Variants in DOCK3 observed in about 807,000 individuals in gnomAD.
The protein encoded by DOCK3 is dedicator of cytokinesis protein 3.
DOCK3 carries 60 observed loss-of-function variants against 265.6 expected under a neutral mutation model. The ratio of observed to expected loss-of-function variants is 0.23; its 90% CI spans 0.18 to 0.28. The LOEUF is 0.28. Among genes scored for constraint, DOCK3 ranks in the 10% least tolerant of loss-of-function variants. The pLI is 1.00. For missense variants in DOCK3, 1,981 were observed against 2,594.3 expected (o/e 0.76, Z 5.14); for synonymous variants, 881 against 938.0 (o/e 0.94, Z 1.11).
intron 1 of DOCK3, among the ~76,000 whole-genome samples, chr3:50,773,206 A>T (rs548174027): frequency 6.6e-6 from 1 of 152,152 alleles, no homozygotes; most frequent in Admixed American, 6.5e-5. Context: ...TCTTCTATAA[A>T]TTATGCTGGG....
At chr3:51,074,099 ATCTT>A (rs1184411419) in intron 6 of DOCK3, among the ~76,000 whole-genome samples, 2 of 152,212 alleles carry the variant, frequency 1.3e-5, no homozygotes, top group Non-Finnish European at 1.5e-5. Context: ...AGAAAAAAGA[ATCTT>A]TCTTCTCTAT....
At position 51,375,775 on chromosome 3, in the gene DOCK3, C is replaced by G. The variant is rs1324325526; in HGVS notation, c.5440C>G (p.Gln1814Glu). ...QPPNFQRALFQQVVGACKPCS... is the reference protein window; with the variant it reads ...QPPNFQRALFEQVVGACKPCS... ...GCCGAATTTCCAGCGAGCCCTGTTC[C>G]AGCAAGTGGTCGGAGCCTGCAAACC... Residue 1814 changes from glutamine (Q) to glutamate (E), a missense_variant, in exon 51 of 53, where the codon CAG (glutamine) becomes GAG (glutamate). Around this residue, in one of 4 missense-constraint regions of DOCK3, gnomAD observed 1,357 missense variants for 1,866.8 expected, o/e 0.73. Transcript: ENST00000266037. 1 of 1,613,884 alleles carries G rather than the reference C, an allele frequency of 6.2e-7. No individual in the cohort carries two copies. Among genetic ancestry groups the G allele is most frequent in the African/African-American group, 1.3e-5 (1 of 74,896 alleles).
rs969943840 is a variant in DOCK3, at chr3:51,072,414, A to AT, written c.465-2931dup. On this transcript the variant is annotated intron_variant, in intron 6 of 52. Transcript: ENST00000266037. ...TTCTTAAACTGTTGTTTCTAATACAATTTTTTTTTTTGAGATGGGGTCTTG... is the reference window on the plus strand; with the variant it reads ...TTCTTAAACTGTTGTTTCTAATACAATTTTTTTTTTTTGAGATGGGGTCTTG... Among the ~76,000 whole-genome samples the AT allele has an allele frequency of 3.1e-3, 464 of 148,014 alleles. 8 individuals carry two copies. The highest frequency in any genetic ancestry group is 0.024 in the Admixed American group (357 of 14,884).
chr3:50,700,701 T>C (rs562977335), intron 1 of DOCK3, among the ~76,000 whole-genome samples: 18 of 152,320 alleles, frequency 1.2e-4, no homozygotes, highest in Admixed American at 1.2e-3. Flanking sequence ...CTTAGGTTGA[T>C]TCCGTATCTT....
intron 13 of DOCK3, among the ~76,000 whole-genome samples, chr3:51,210,061 T>A (rs1302423331): frequency 6.6e-6 from 1 of 152,198 alleles, no homozygotes; most frequent in Non-Finnish European, 1.5e-5. Flanking sequence ...GTCATGTTCT[T>A]TGGTTTATTT....
chr3:51,010,355 C>G (rs368161624), intron 5 of DOCK3, among the ~76,000 whole-genome samples: 13 of 152,098 alleles, frequency 8.5e-5, no homozygotes, highest in African/African-American at 3.1e-4. Flanking sequence ...GTGAATTGAT[C>G]CCTTTACCAT....
chr3:50,898,315 A>G (rs201974546), intron 4 of DOCK3, among the ~76,000 whole-genome samples: 5 of 152,166 alleles, frequency 3.3e-5, no homozygotes, highest in African/African-American at 4.8e-5. Context: ...CTGTGGGATC[A>G]GTGGGGATAT....
At chr3:50,870,411 G>T (rs958808612) in intron 3 of DOCK3, among the ~76,000 whole-genome samples, 1 of 151,918 alleles carries the variant, frequency 6.6e-6, no homozygotes, top group Non-Finnish European at 1.5e-5. Context: ...AATCTATTTT[G>T]TCTAAGTATA....
At chr3:51,275,242 C>T (rs754062738) in intron 25 of DOCK3, 36 bp downstream of exon 25, 9 of 1,611,766 alleles carry the variant, frequency 5.6e-6, no homozygotes, top group Non-Finnish European at 7.6e-6. Context: ...CTGTTCAGCT[C>T]TTCCCTAGTC....
chr3:51,011,097 C>A (rs1303049475), intron 5 of DOCK3, among the ~76,000 whole-genome samples: 1 of 152,060 alleles, frequency 6.6e-6, no homozygotes. Context: ...AATTATGTGT[C>A]TTGGAGTTGC....
chr3:50,861,133 C>G (rs1408220546), intron 3 of DOCK3, among the ~76,000 whole-genome samples: 1 of 152,132 alleles, frequency 6.6e-6, no homozygotes, highest in Non-Finnish European at 1.5e-5. Context: ...CACCACTTTG[C>G]TGGGTGGTGG....
chr3:50,907,373 T>G (rs1335671096), intron 4 of DOCK3, among the ~76,000 whole-genome samples: 3 of 152,080 alleles, frequency 2.0e-5, no homozygotes, highest in Non-Finnish European at 2.9e-5. Context: ...CTCCCATTAT[T>G]ATTGTTTGGA....
At chr3:51,106,770 T>C (rs1486905775) in intron 9 of DOCK3, among the ~76,000 whole-genome samples, 1 of 152,088 alleles carries the variant, frequency 6.6e-6, no homozygotes, top group African/African-American at 2.4e-5. Flanking sequence ...GCATAGTCAC[T>C]AATAGGAGGG....
chr3:51,014,587 T>C (rs911242209), intron 5 of DOCK3, among the ~76,000 whole-genome samples: 1 of 152,158 alleles, frequency 6.6e-6, no homozygotes, highest in Non-Finnish European at 1.5e-5. Context: ...ATTAATGTGA[T>C]TCCTCCAGTT....
chr3:50,981,923 C>G (rs2077708471), intron 5 of DOCK3, among the ~76,000 whole-genome samples: 2 of 152,264 alleles, frequency 1.3e-5, no homozygotes, highest in South Asian at 4.1e-4. Flanking sequence ...GATCTTGGCT[C>G]ACTGCAACCT....
Position 51,064,584 on chromosome 3 carries a change from A to G in DOCK3, c.452A>G (p.Asp151Gly), listed in dbSNP as rs570454630. 6 of 1,613,818 alleles carry G rather than the reference A, an allele frequency of 3.7e-6. No individual in the cohort carries two copies. In the South Asian group the frequency reaches 6.6e-5, roughly 18 times the overall value. The change falls in exon 6 of 53, where the codon GAC becomes GGC. Residue 151 changes from aspartate to glycine, a missense_variant. Physicochemically the swap from Asp to Gly is moderately conservative, Grantham distance 94. This residue lies in a region of DOCK3 where 456 missense variants were observed against 539.0 expected (regional missense o/e 0.85). Coordinates refer to ENST00000266037, the MANE Select transcript of DOCK3 (RefSeq NM_004947.5). Reference protein sequence around the residue: ...EVKRHITVRLDWGNEHLGLDL... With the variant: ...EVKRHITVRLGWGNEHLGLDL... ...AAGCGGCACATCACCGTGCGCCTGG[A>G]CTGGGGTAATGAGTAAGTATGAAAA...
intron 2 of DOCK3, among the ~76,000 whole-genome samples, chr3:50,790,062 CTT>C (rs139933687): frequency 1.4e-4 from 21 of 152,278 alleles, no homozygotes; most frequent in African/African-American, 4.8e-4. Context: ...TAATATCCCT[CTT>C]TGTGTTTTTT....
At chr3:50,970,039 T>C (rs2077151826) in intron 5 of DOCK3, among the ~76,000 whole-genome samples, 1 of 151,862 alleles carries the variant, frequency 6.6e-6, no homozygotes, top group African/African-American at 2.4e-5. Flanking sequence ...GCCACTGCAC[T>C]CCAGCCTGAG....
intron 27 of DOCK3, among the ~76,000 whole-genome samples, chr3:51,309,108 C>T (rs2082897433): frequency 6.6e-6 from 1 of 151,772 alleles, no homozygotes; most frequent in Non-Finnish European, 1.5e-5. Context: ...GACTGCGCAG[C>T]CAGGCAGAGG....
Sources: allele counts gnomAD v4.1 joint callset (sites outside exome capture counted in the v4.1 genomes callset), GRCh38; gene constraint gnomAD v4.1.1; regional missense constraint gnomAD v4.1.1; transcripts MANE v1.5; gene names NCBI Gene and HGNC (gene_info 2026-07-23, HGNC 2026-07-21).